UMAD1: variants seen among roughly 807,000 people sequenced by gnomAD.
UMAD1 encodes the protein UBAP1-MVB12-associated (UMA) domain containing 1.
In UMAD1, 8 loss-of-function variants were observed where a neutral mutation model predicts 6.1. That is an observed-to-expected ratio of 1.30 (90% CI 0.76 to 2.35). UMAD1 has a LOEUF of 2.35. Among genes scored for constraint, UMAD1 ranks in the 30% most tolerant of loss-of-function variants. The pLI, the probability that UMAD1 is intolerant of heterozygous loss-of-function variation, is 0.00. For missense variants in UMAD1, 130 were observed against 78.4 expected, an observed-to-expected ratio of 1.66 and a Z score of -2.49; for synonymous variants, 56 against 31.4, an observed-to-expected ratio of 1.78 and a Z score of -2.61.
intron 3 of UMAD1, among the ~76,000 whole-genome samples, 169 bp from the exon 4 acceptor site, chr7:7,877,112 G>A (rs954329748): frequency 1.3e-5 from 2 of 152,224 alleles, no homozygotes; most frequent in South Asian, 2.1e-4. Flanking sequence ...AAGCCTAACA[G>A]AGATTTGGAT....
At chr7:7,852,686 C>G (rs915857399) in intron 3 of UMAD1, among the ~76,000 whole-genome samples, 4 of 152,194 alleles carry the variant, frequency 2.6e-5, no homozygotes, top group African/African-American at 4.8e-5. Context: ...GTGGAGCTGG[C>G]ACGTGCTAAC....
intron 2 of UMAD1, among the ~76,000 whole-genome samples, chr7:7,733,530 C>G (rs1309553636): frequency 6.7e-6 from 1 of 149,394 alleles, no homozygotes; most frequent in East Asian, 2.0e-4. Context: ...AATATGATGA[C>G]ATGAAATGAG....
At chr7:7,683,701 C>T (rs1359251030) in intron 2 of UMAD1, among the ~76,000 whole-genome samples, 2 of 151,976 alleles carry the variant, frequency 1.3e-5, no homozygotes, top group African/African-American at 2.4e-5. Context: ...CTGTTCACTG[C>T]AATCTCCGCC....
intron 1 of UMAD1, among the ~76,000 whole-genome samples, chr7:7,667,104 C>T (rs1285672759): frequency 3.9e-5 from 6 of 152,166 alleles, no homozygotes; most frequent in East Asian, 3.9e-4. Flanking sequence ...CCACTGCGCC[C>T]GGCTGACAGG....
intron 2 of UMAD1, among the ~76,000 whole-genome samples, chr7:7,780,565 G>A (rs529255730): frequency 4.8e-4 from 73 of 152,244 alleles, no homozygotes; most frequent in Non-Finnish European, 7.8e-4. Flanking sequence ...TGTCGTTAGC[G>A]TCCAAATCAA....
intron 2 of UMAD1, among the ~76,000 whole-genome samples, chr7:7,762,065 C>G (rs1781901486): frequency 1.3e-5 from 2 of 152,300 alleles, no homozygotes; most frequent in Admixed American, 1.3e-4. Flanking sequence ...TGCCAGAATT[C>G]AGAAAGTAGA....
intron 2 of UMAD1, among the ~76,000 whole-genome samples, chr7:7,737,583 T>C (rs2115200580): frequency 6.6e-6 from 1 of 152,340 alleles, no homozygotes; most frequent in East Asian, 1.9e-4. Flanking sequence ...CTCAGTATTA[T>C]TTGATTCATT....
intron 2 of UMAD1, among the ~76,000 whole-genome samples, chr7:7,745,581 A>G (rs1251005770): frequency 2.0e-5 from 3 of 152,234 alleles, no homozygotes; most frequent in African/African-American, 4.8e-5. Context: ...AGCCATTCTC[A>G]GTAAGCTTAT....
intron 3 of UMAD1, among the ~76,000 whole-genome samples, chr7:7,860,280 ATG>A (rs1479482462): frequency 1.3e-5 from 2 of 152,196 alleles, no homozygotes; most frequent in African/African-American, 2.4e-5. Flanking sequence ...TATTATAAAA[ATG>A]TACAAATTTA....
At chr7:7,818,016 C>A (rs1368803269) in intron 3 of UMAD1, among the ~76,000 whole-genome samples, 3 of 152,154 alleles carry the variant, frequency 2.0e-5, no homozygotes, top group Non-Finnish European at 4.4e-5. Flanking sequence ...GAGGTACATG[C>A]ACAGGATGTG....
chr7:7,709,585 T>C (rs1222394311), intron 2 of UMAD1, among the ~76,000 whole-genome samples: 5 of 152,214 alleles, frequency 3.3e-5, no homozygotes, highest in Non-Finnish European at 7.3e-5. Context: ...GGGATAAGAA[T>C]GGTTTGTCAG....
At chr7:7,874,818 G>T (rs1259043589) in intron 3 of UMAD1, among the ~76,000 whole-genome samples, 2 of 152,320 alleles carry the variant, frequency 1.3e-5, no homozygotes, top group East Asian at 3.9e-4. Context: ...GGGGTTGATT[G>T]TGACTGCAAG....
intron 2 of UMAD1, among the ~76,000 whole-genome samples, chr7:7,711,114 T>C (rs1583762832): frequency 6.6e-6 from 1 of 152,232 alleles, no homozygotes; most frequent in East Asian, 1.9e-4. Context: ...GGAGATGTTC[T>C]GTATCTGGTC....
At chr7:7,852,383 C>T (rs569621059) in intron 3 of UMAD1, among the ~76,000 whole-genome samples, 53 of 152,092 alleles carry the variant, frequency 3.5e-4, no homozygotes, top group African/African-American at 1.3e-3. Flanking sequence ...TCATCTTTTT[C>T]GAGATAGTGT....
chr7:7,673,225 T>A, intron 1 of UMAD1, 84 bp from the exon 2 acceptor site: 2 of 847,864 alleles, frequency 2.4e-6, no homozygotes, highest in South Asian at 1.4e-5. Context: ...TATTGTTATA[T>A]CGTTATGCTG....
At position 7,784,527 on chromosome 7, in the gene UMAD1, A is replaced by G. The variant is rs368857154; in HGVS notation, c.83-17143A>G. Among the ~76,000 whole-genome samples, 15 of 147,674 alleles carry G rather than the reference A, an allele frequency of 1.0e-4. No individual in the cohort carries two copies. The East Asian group carries it at 1.2e-3, about 12-fold the overall frequency. ...ATTTTTTGTATTTTTTTTTTTTTTA[A>G]GTAGAGATGAGGTTTCACTGTGTTA... On this transcript the variant is annotated intron_variant, in intron 2 of 3. Coordinates refer to ENST00000682710, the MANE Select transcript of UMAD1 (RefSeq NM_001302348.2).
intron 2 of UMAD1, among the ~76,000 whole-genome samples, chr7:7,787,050 G>A (rs1269635827): frequency 6.6e-6 from 1 of 152,222 alleles, no homozygotes; most frequent in South Asian, 2.1e-4. Context: ...AATAAGGCAC[G>A]TGTCCAGTTG....
intron 2 of UMAD1, among the ~76,000 whole-genome samples, chr7:7,686,719 C>A (rs1780049573): frequency 1.3e-5 from 2 of 152,306 alleles, no homozygotes; most frequent in African/African-American, 4.8e-5. Context: ...GCAGACACTA[C>A]TAGTCCCTCA....
intron 2 of UMAD1, among the ~76,000 whole-genome samples, chr7:7,760,899 G>A (rs1384655959): frequency 1.3e-5 from 2 of 152,178 alleles, no homozygotes; most frequent in African/African-American, 2.4e-5. Flanking sequence ...TCAAATGCTT[G>A]TGGGATGGAC....
Sources: gnomAD v4.1 joint callset for allele counts (sites outside exome capture counted in the v4.1 genomes callset) on GRCh38, gnomAD v4.1.1 for gene constraint, MANE v1.5 for transcripts, NCBI Gene and HGNC (gene_info 2026-07-23, HGNC 2026-07-21) for gene names.